UTRN: variants seen among roughly 807,000 people sequenced by gnomAD.
The protein encoded by UTRN is utrophin.
A neutral mutation model predicts 463.9 loss-of-function variants in UTRN; 283 were observed. The observed-to-expected ratio is 0.61, with a 90% CI of 0.55 to 0.67. The LOEUF is 0.67. UTRN is among the 30% of genes least tolerant of loss of function. The probability of loss-of-function intolerance (pLI) is 0.00; values close to 1 mark genes in which losing one functional copy is unlikely to be tolerated. For synonymous variants in UTRN, 1,442 were observed against 1,431.5 expected (o/e 1.01, Z -0.17); for missense variants, 3,922 against 4,084.3 (o/e 0.96, Z 1.08).
chr6:144,761,511 G>T (rs1045228973), intron 58 of UTRN, among the ~76,000 whole-genome samples: 3 of 151,952 alleles, frequency 2.0e-5, no homozygotes, highest in Non-Finnish European at 4.4e-5. Context: ...GCTGGGCATG[G>T]TAACATGCGC....
At chr6:144,372,910 T>C (rs1022037498) in intron 2 of UTRN, among the ~76,000 whole-genome samples, 2 of 152,188 alleles carry the variant, frequency 1.3e-5, no homozygotes, top group African/African-American at 4.8e-5. Context: ...TTATTGCCCA[T>C]GAAAAGATGG....
At chr6:144,327,669 C>T (rs1776055863) in intron 2 of UTRN, among the ~76,000 whole-genome samples, 1 of 152,100 alleles carries the variant, frequency 6.6e-6, no homozygotes, top group Non-Finnish European at 1.5e-5. Flanking sequence ...CTGGGCTGCT[C>T]ATGGTGGCTC....
chr6:144,321,910 C>G (rs1562247403), intron 2 of UTRN, among the ~76,000 whole-genome samples: 1 of 151,732 alleles, frequency 6.6e-6, no homozygotes, highest in African/African-American at 2.4e-5. Flanking sequence ...ATTACAGGTG[C>G]CTACATTCAC....
intron 51 of UTRN, among the ~76,000 whole-genome samples, chr6:144,610,970 A>T (rs750253336): frequency 6.6e-6 from 1 of 152,218 alleles, no homozygotes; most frequent in Non-Finnish European, 1.5e-5. Flanking sequence ...ACAAACTATT[A>T]GCAAACCAAA....
rs375956414 is a variant in UTRN, at chr6:144,660,470, G to T, written c.7480-17936G>T. Among the ~76,000 whole-genome samples the T allele has an allele frequency of 1.2e-4, 18 of 152,104 alleles. No individual in the cohort carries two copies. The East Asian group carries it at 1.4e-3, about 11-fold the overall frequency. On this transcript the variant is annotated intron_variant, in intron 51 of 74. Transcript: ENST00000367545. ...AATTAGCAATTACTTCCTTTGGTCA[G>T]GAGGGCTTCTCATGATGCCTGTCAC... is the stretch of plus-strand genomic sequence containing the variant.
chr6:144,370,316 C>G (rs1346368752), intron 2 of UTRN, among the ~76,000 whole-genome samples: 3 of 152,150 alleles, frequency 2.0e-5, no homozygotes, highest in African/African-American at 7.2e-5. Flanking sequence ...GCCCTGTGTC[C>G]CAGCCATGGC....
chr6:144,772,527 A>G (rs1252465639), intron 59 of UTRN, among the ~76,000 whole-genome samples: 1 of 152,164 alleles, frequency 6.6e-6, no homozygotes, highest in Admixed American at 6.6e-5. Flanking sequence ...GAGGAATGTA[A>G]TTGTAGTTTT....
chr6:144,316,845 A>G (rs544027745), intron 2 of UTRN, among the ~76,000 whole-genome samples: 1 of 151,826 alleles, frequency 6.6e-6, no homozygotes, highest in African/African-American at 2.4e-5. Context: ...GTTTTTTATC[A>G]TATTTAAAAA....
At chr6:144,354,229 T>G (rs531984171) in intron 2 of UTRN, among the ~76,000 whole-genome samples, 1 of 152,270 alleles carries the variant, frequency 6.6e-6, no homozygotes, top group South Asian at 2.1e-4. Flanking sequence ...AATAACGATA[T>G]GCTTGTTGAC....
At chr6:144,492,181 C>G (rs146267757) in intron 32 of UTRN, among the ~76,000 whole-genome samples, 1 of 152,168 alleles carries the variant, frequency 6.6e-6, no homozygotes, top group Non-Finnish European at 1.5e-5. Context: ...TTTCCTCCTT[C>G]CCTCCTTTTG....
chr6:144,610,852 G>T (rs1432956460), intron 51 of UTRN, among the ~76,000 whole-genome samples: 1 of 152,182 alleles, frequency 6.6e-6, no homozygotes, highest in Non-Finnish European at 1.5e-5. Flanking sequence ...TCCAGCCTCG[G>T]GGACAAGAGC....
chr6:144,490,215 A>G lies in UTRN; in HGVS notation c.4263+16A>G. ...TGTGCTACAGGTAAAGAAGGCCAGG[A>G]GCTTCCTTTTACTTTTCAACTTGTT... On this transcript the variant is annotated intron_variant, in intron 31 of 74. Transcript: ENST00000367545. 3 of 1,581,824 alleles carry G rather than the reference A, an allele frequency of 1.9e-6. No individual in the cohort carries two copies. In the South Asian group the frequency reaches 3.5e-5, roughly 18 times the overall value.
intron 51 of UTRN, among the ~76,000 whole-genome samples, chr6:144,604,044 A>C (rs1258325341): frequency 1.3e-5 from 2 of 152,182 alleles, no homozygotes; most frequent in African/African-American, 4.8e-5. Context: ...TTGTAATTCC[A>C]GATCCACTGG....
chr6:144,305,214 A>AT (rs547079325), intron 2 of UTRN, among the ~76,000 whole-genome samples: 65 of 152,342 alleles, frequency 4.3e-4, no homozygotes, highest in African/African-American at 1.5e-3. Context: ...GCATAGATAA[A>AT]TCTTAAAAAC....
At chr6:144,437,518 T>G (rs1190340683) in intron 10 of UTRN, 47 bp from the exon 11 acceptor site, 1 of 1,505,332 alleles carries the variant, frequency 6.6e-7, no homozygotes, top group Non-Finnish European at 8.8e-7. Flanking sequence ...TTCCTTTTTT[T>G]TTTTTGCACT....
At chr6:144,448,554 A>G (rs376006544) in intron 16 of UTRN, 46 bp from the exon 17 acceptor site, 31 of 1,588,014 alleles carry the variant, frequency 2.0e-5, no homozygotes, top group Middle Eastern at 1.7e-4. Flanking sequence ...TTACATCTCA[A>G]TGAAGCTGTT....
intron 36 of UTRN, 51 bp downstream of exon 36, chr6:144,514,088 T>G: frequency 6.2e-7 from 1 of 1,607,140 alleles, no homozygotes; most frequent in Non-Finnish European, 8.5e-7. Flanking sequence ...TGTTTTGTTG[T>G]CATGTTTTCT....
chr6:144,374,818 C>T (rs111922514), intron 2 of UTRN, among the ~76,000 whole-genome samples: 4 of 151,690 alleles, frequency 2.6e-5, no homozygotes, highest in African/African-American at 4.8e-5. Flanking sequence ...TGGTGGCCTG[C>T]GCCTGTAATC....
chr6:144,691,493 C>CT (rs35695912), intron 52 of UTRN, among the ~76,000 whole-genome samples: 47,694 of 151,866 alleles, frequency 0.31, 8,544 homozygotes, highest in Admixed American at 0.48. Flanking sequence ...ACATTTATTC[C>CT]TTTTTTTTCC....
Sources: gnomAD v4.1 joint callset for allele counts (sites outside exome capture counted in the v4.1 genomes callset) on GRCh38, gnomAD v4.1.1 for gene constraint, MANE v1.5 for transcripts, NCBI Gene and HGNC (gene_info 2026-07-23, HGNC 2026-07-21) for gene names.